The following OR1J2 variants were observed in gnomAD, a reference collection of about 807,000 sequenced individuals.
OR1J2 encodes the protein olfactory receptor 1J2.
For missense variants in OR1J2, 304 were observed against 246.1 expected, an observed-to-expected ratio of 1.24 and a Z score of -1.57; for synonymous variants, 142 against 99.7, an observed-to-expected ratio of 1.42 and a Z score of -2.52.
the OR1J2 span, among the ~76,000 whole-genome samples, chr9:122,573,587 G>T: frequency 1.3e-5 from 2 of 152,170 alleles, no homozygotes; most frequent in East Asian, 3.9e-4. Context: ...TTTTAATTGG[G>T]TTGTATATTT....
the OR1J2 span, among the ~76,000 whole-genome samples, chr9:122,530,167 A>C: frequency 6.6e-6 from 1 of 152,222 alleles, no homozygotes; most frequent in African/African-American, 2.4e-5. Flanking sequence ...AGCCAAGTTA[A>C]GGCCAGATCA....
At chr9:122,567,359 G>A in the OR1J2 span, 14 of 454,372 alleles carry the variant, frequency 3.1e-5, no homozygotes, top group Admixed American at 3.0e-4. Context: ...GACAGGAAAC[G>A]ATTGTGATTT....
At chr9:122,491,258 T>C in the OR1J2 span, among the ~76,000 whole-genome samples, 3 of 152,188 alleles carry the variant, frequency 2.0e-5, no homozygotes, top group Non-Finnish European at 4.4e-5. Flanking sequence ...TTGTATTGCA[T>C]AGAGTATGAG....
the OR1J2 span, among the ~76,000 whole-genome samples, chr9:122,461,942 A>G: frequency 6.6e-6 from 1 of 152,112 alleles, no homozygotes; most frequent in Non-Finnish European, 1.5e-5. Flanking sequence ...CATTTGTTCT[A>G]GGGTATAGTT....
In OR1J2 at chr9:122,511,521, A is replaced by C; in HGVS notation, c.720A>C (p.Thr240=). 1 of 781,010 alleles carries C rather than the reference A, an allele frequency of 1.3e-6. No homozygotes were observed. Among genetic ancestry groups the C allele is most frequent in the Non-Finnish European group, 2.4e-6 (1 of 418,100 alleles). The allele number at this position is 781,010 out of a possible 1,614,324, so 48.4% of individuals were successfully genotyped here. The change falls in exon 1 of 1, where the codon ACA becomes ACC. Residue 240 remains threonine (T), a synonymous_variant. Transcript: ENST00000335302. ...STKGIHKALS[T]CGSHLSVVSL... ...AAGGGATCCACAAAGCATTGTCCAC[A>C]TGTGGCTCCCATCTCTCTGTGGTGT... is the stretch of plus-strand genomic sequence containing the variant.
the OR1J2 span, among the ~76,000 whole-genome samples, chr9:122,543,225 G>T: frequency 6.6e-6 from 1 of 152,088 alleles, no homozygotes; most frequent in East Asian, 1.9e-4. Flanking sequence ...GTTTAGACAG[G>T]GTCTTGTTCT....
the OR1J2 span, chr9:122,553,432 C>A: frequency 8.7e-6 from 14 of 1,614,176 alleles, no homozygotes; most frequent in Middle Eastern, 1.7e-4. Context: ...TTAACTGATG[C>A]CTGTTTCACT....
the OR1J2 span, among the ~76,000 whole-genome samples, chr9:122,544,252 C>CT: frequency 1.3e-5 from 2 of 151,576 alleles, no homozygotes; most frequent in Admixed American, 6.6e-5. Context: ...TTGAATTTTT[C>CT]TTTGTGGTTA....
At chr9:122,479,985 A>G in the OR1J2 span, among the ~76,000 whole-genome samples, 14 of 152,338 alleles carry the variant, frequency 9.2e-5, no homozygotes, top group South Asian at 2.7e-3. Flanking sequence ...ATTCAAAGAA[A>G]TACAATCTAA....
chr9:122,559,241 A>T, the OR1J2 span, among the ~76,000 whole-genome samples: 1 of 151,418 alleles, frequency 6.6e-6, no homozygotes, highest in South Asian at 2.1e-4. Context: ...CCACTATTTT[A>T]CTCTCTACTT....
At chr9:122,550,082 G>GT in the OR1J2 span, among the ~76,000 whole-genome samples, 1 of 151,858 alleles carries the variant, frequency 6.6e-6, no homozygotes, top group South Asian at 2.1e-4. Context: ...TACCTCCTTG[G>GT]TTACATATAA....
chr9:122,494,586 C>T, the OR1J2 span, among the ~76,000 whole-genome samples: 16 of 152,020 alleles, frequency 1.1e-4, no homozygotes, highest in Non-Finnish European at 2.2e-4. Context: ...ATGTGCAAGG[C>T]GAGTCTCCTG....
the OR1J2 span, among the ~76,000 whole-genome samples, chr9:122,561,496 GGCT>G: frequency 6.6e-6 from 1 of 152,136 alleles, no homozygotes; most frequent in African/African-American, 2.4e-5. Flanking sequence ...CCATCTTTGA[GGCT>G]GCTGACCCTT....
upstream of OR1J2, among the ~76,000 whole-genome samples, chr9:122,508,141 GGAGA>G (rs61130450): frequency 8.3e-3 from 1,203 of 144,788 alleles, 15 homozygotes; most frequent in African/African-American, 0.03. Context: ...AGAGAGAGAG[GGAGA>G]GAGAGAGAGA....
At chr9:122,531,464 TG>T in the OR1J2 span, among the ~76,000 whole-genome samples, 1 of 152,096 alleles carries the variant, frequency 6.6e-6, no homozygotes, top group Non-Finnish European at 1.5e-5. Flanking sequence ...GCAGGTTTTT[TG>T]GGGTACAGTC....
the OR1J2 span, among the ~76,000 whole-genome samples, chr9:122,551,064 A>C: frequency 2.0e-5 from 3 of 152,226 alleles, no homozygotes; most frequent in African/African-American, 7.2e-5. Context: ...GTAAAGTTTC[A>C]TGATGCAAAA....
chr9:122,535,652 G>A, the OR1J2 span, among the ~76,000 whole-genome samples: 1 of 152,180 alleles, frequency 6.6e-6, no homozygotes, highest in Non-Finnish European at 1.5e-5. Context: ...CTGAGGACCT[G>A]AGGTCGTAGG....
At chr9:122,571,921 G>A in the OR1J2 span, among the ~76,000 whole-genome samples, 1 of 152,020 alleles carries the variant, frequency 6.6e-6, no homozygotes, top group Non-Finnish European at 1.5e-5. Context: ...CTCCAAACTG[G>A]GTAATTTTTA....
At chr9:122,559,218 C>T in the OR1J2 span, among the ~76,000 whole-genome samples, 1 of 152,090 alleles carries the variant, frequency 6.6e-6, no homozygotes, top group African/African-American at 2.4e-5. Context: ...CCTAAATCTT[C>T]AGCTTGTAGT....
Sources: gnomAD v4.1 joint callset for allele counts (sites outside exome capture counted in the v4.1 genomes callset) on GRCh38, gnomAD v4.1.1 for gene constraint, MANE v1.5 for transcripts, NCBI Gene and HGNC (gene_info 2026-07-23, HGNC 2026-07-21) for gene names.